FIP1L1: variants seen among roughly 807,000 people sequenced by gnomAD.
FIP1L1 encodes the protein factor interacting with PAPOLA and CPSF1.
A neutral mutation model predicts 84.6 loss-of-function variants in FIP1L1; 21 were observed. The ratio of observed to expected loss-of-function variants is 0.25; its 90% CI spans 0.18 to 0.36. The LOEUF (loss-of-function observed/expected upper bound fraction) is 0.36, where lower values mean the gene tolerates loss of function less well. Among genes scored for constraint, FIP1L1 ranks in the 10% least tolerant of loss-of-function variants. The probability of loss-of-function intolerance (pLI) is 1.00; values close to 1 mark genes in which losing one functional copy is unlikely to be tolerated. For synonymous variants in FIP1L1, 263 were observed against 242.3 expected (o/e 1.09, Z -0.80); for missense variants, 526 against 751.1 (o/e 0.70, Z 3.50).
intron 11 of FIP1L1, among the ~76,000 whole-genome samples, chr4:53,417,846 C>T (rs1177314316): frequency 1.1e-4 from 16 of 151,530 alleles, no homozygotes; most frequent in Non-Finnish European, 1.8e-4. Flanking sequence ...TTTTAAAACA[C>T]ACACTGTCTC....
At chr4:53,389,965 G>A (rs1743291478) in intron 6 of FIP1L1, 92 bp downstream of exon 6, 3 of 896,332 alleles carry the variant, frequency 3.3e-6, no homozygotes, top group South Asian at 1.7e-5. Flanking sequence ...CGGGGACAGA[G>A]TCTGGCTCTG....
chr4:53,407,880 ATG>A (rs1428502232), intron 10 of FIP1L1, among the ~76,000 whole-genome samples: 6 of 151,942 alleles, frequency 3.9e-5, no homozygotes, highest in Non-Finnish European at 8.8e-5. Flanking sequence ...TTTTGAGTCT[ATG>A]TGTGTCTCTG....
intron 15 of FIP1L1, among the ~76,000 whole-genome samples, chr4:53,451,259 C>T (rs891712801): frequency 6.6e-6 from 1 of 151,788 alleles, no homozygotes; most frequent in African/African-American, 2.4e-5. Flanking sequence ...GCATGAACCA[C>T]CGCGCCCAGC....
intron 3 of FIP1L1, 128 bp downstream of exon 3, chr4:53,379,392 C>T (rs183792321): frequency 1.3e-4 from 105 of 804,762 alleles, no homozygotes; most frequent in Admixed American, 1.1e-3. Context: ...TTTTGGAGGA[C>T]ATTGAATCCT....
intron 9 of FIP1L1, among the ~76,000 whole-genome samples, chr4:53,392,441 A>T (rs1744751725): frequency 1.3e-5 from 2 of 152,222 alleles, no homozygotes; most frequent in South Asian, 4.1e-4. Flanking sequence ...TTTAATTTAC[A>T]TCCTACTTTG....
At chr4:53,388,827 G>A (rs184427788) in intron 5 of FIP1L1, among the ~76,000 whole-genome samples, 1 of 152,150 alleles carries the variant, frequency 6.6e-6, no homozygotes, top group Admixed American at 6.5e-5. Context: ...TGTATACAAG[G>A]CTCATTTATA....
intron 11 of FIP1L1, among the ~76,000 whole-genome samples, chr4:53,419,959 A>G (rs976056734): frequency 2.0e-5 from 3 of 152,042 alleles, no homozygotes; most frequent in African/African-American, 7.2e-5. Flanking sequence ...CTGTAATCCC[A>G]GCACTTTGGG....
intron 13 of FIP1L1, among the ~76,000 whole-genome samples, chr4:53,428,785 C>T (rs759194055): frequency 3.0e-4 from 45 of 152,138 alleles, no homozygotes; most frequent in Non-Finnish European, 5.7e-4. Flanking sequence ...AATTTTTCAT[C>T]GGGTTGCCTT....
At chr4:53,409,334 C>T (rs1755729543) in intron 10 of FIP1L1, among the ~76,000 whole-genome samples, 1 of 152,192 alleles carries the variant, frequency 6.6e-6, no homozygotes, top group East Asian at 1.9e-4. Context: ...GCGAATGCTG[C>T]TGTCTGATCG....
chr4:53,440,554 A>G (rs1310254951), intron 13 of FIP1L1: 3 of 1,405,670 alleles, frequency 2.1e-6, no homozygotes, highest in Non-Finnish European at 2.0e-6. Context: ...TCCAATTACT[A>G]TATTAAATTT....
intron 13 of FIP1L1, among the ~76,000 whole-genome samples, chr4:53,433,308 T>A (rs1217175017): frequency 6.6e-6 from 1 of 152,208 alleles, no homozygotes; most frequent in East Asian, 1.9e-4. Context: ...GGATAGCCCC[T>A]GTAACCTCTA....
rs184526247 is a variant in FIP1L1 at position 53,439,134 on chromosome 4, A to G, written c.1175-3519A>G. The stretch of plus-strand genomic sequence containing the variant: ...TTGTAGTATATATTAAAAACATTTA[A>G]TGATCTGCCTTCCTTACTTTTCTCA... On this transcript the variant is annotated intron_variant, in intron 13 of 17. Coordinates refer to ENST00000337488, the MANE Select transcript of FIP1L1 (RefSeq NM_030917.4). 2.0e-4 allele frequency among the ~76,000 whole-genome samples: 31 copies of G among 152,250 alleles called. No individual in the cohort carries two copies. The East Asian group carries it at 5.4e-3, about 27-fold the overall frequency.
At chr4:53,430,886 G>A (rs185013028) in intron 13 of FIP1L1, among the ~76,000 whole-genome samples, 2 of 152,246 alleles carry the variant, frequency 1.3e-5, no homozygotes, top group Admixed American at 1.3e-4. Context: ...GAATTCTAAT[G>A]CTGGTTTAAG....
intron 10 of FIP1L1, among the ~76,000 whole-genome samples, chr4:53,403,559 A>G (rs1206829413): frequency 6.6e-6 from 1 of 152,232 alleles, no homozygotes; most frequent in African/African-American, 2.4e-5. Flanking sequence ...AACTCTTGGA[A>G]AGCATTTTCT....
At chr4:53,404,870 G>A (rs1241610433) in intron 10 of FIP1L1, among the ~76,000 whole-genome samples, 7 of 151,432 alleles carry the variant, frequency 4.6e-5, no homozygotes, top group African/African-American at 1.7e-4. Context: ...TTTTTTTCTT[G>A]TAAATTTGTT....
At chr4:53,389,956 G>C (rs1743280185) in intron 6 of FIP1L1, 83 bp downstream of exon 6, 2 of 1,030,002 alleles carry the variant, frequency 1.9e-6, no homozygotes, top group South Asian at 1.5e-5. Context: ...TTTTTTAGTC[G>C]GGGACAGAGT....
intron 11 of FIP1L1, among the ~76,000 whole-genome samples, chr4:53,420,026 C>A (rs1448957937): frequency 6.6e-6 from 1 of 151,630 alleles, no homozygotes; most frequent in East Asian, 1.9e-4. Context: ...GCAACCCCGT[C>A]TCTACTAAAA....
chr4:53,379,347 A>G, intron 3 of FIP1L1, 83 bp downstream of exon 3: 1 of 1,186,268 alleles, frequency 8.4e-7, no homozygotes, highest in Non-Finnish European at 1.2e-6. Flanking sequence ...ATTTTCTTAC[A>G]ATCATTGGCT....
At chr4:53,418,197 G>T (rs1239294502) in intron 11 of FIP1L1, among the ~76,000 whole-genome samples, 2 of 152,180 alleles carry the variant, frequency 1.3e-5, no homozygotes, top group Non-Finnish European at 2.9e-5. Context: ...GCTGAGGTGG[G>T]TGGATCACTG....
Sources: allele counts gnomAD v4.1 joint callset (sites outside exome capture counted in the v4.1 genomes callset), GRCh38; gene constraint gnomAD v4.1.1; transcripts MANE v1.5; gene names NCBI Gene and HGNC (gene_info 2026-07-23, HGNC 2026-07-21).